Variants in RYR3 observed in about 807,000 individuals in gnomAD.
RYR3 encodes ryanodine receptor 3, also known as brain ryanodine receptor-calcium release channel.
In RYR3, 207 loss-of-function variants were observed where a neutral mutation model predicts 584.3. That is an observed-to-expected ratio of 0.35 (90% confidence interval 0.32 to 0.40). The LOEUF is 0.40. Ranked by LOEUF, RYR3 falls within the 10% of genes least tolerant of loss-of-function variation. The pLI, the probability that RYR3 is intolerant of heterozygous loss-of-function variation, is 1.00. For synonymous variants in RYR3, 2,416 were observed against 2,248.5 expected (o/e 1.07, Z -2.11); for missense variants, 5,616 against 6,089.2 (o/e 0.92, Z 2.59).
intron 77 of RYR3, 160 bp from the exon 78 acceptor site, chr15:33,820,596 T>G: frequency 1.7e-6 from 1 of 589,582 alleles, no homozygotes; most frequent in Non-Finnish European, 3.0e-6. Flanking sequence ...GGAGAAATGT[T>G]GCCCAGCAGT....
chr15:33,564,282 G>T (rs553954816), intron 11 of RYR3, among the ~76,000 whole-genome samples: 2 of 152,276 alleles, frequency 1.3e-5, no homozygotes, highest in South Asian at 2.1e-4. Flanking sequence ...TAAGCTGACC[G>T]TGGATGGGGT....
intron 2 of RYR3, 132 bp downstream of exon 2, chr15:33,473,670 A>C (rs1294577510): frequency 1.1e-6 from 1 of 920,110 alleles, no homozygotes; most frequent in African/African-American, 1.7e-5. Flanking sequence ...AATGGGAAGC[A>C]GATCTGGTTT....
At chr15:33,768,800 G>C in intron 61 of RYR3, 93 bp downstream of exon 61, 1 of 1,217,928 alleles carries the variant, frequency 8.2e-7, no homozygotes, top group Non-Finnish European at 1.2e-6. Context: ...GACAACCCGG[G>C]CCTTGGGACT....
At chr15:33,614,211 C>T (rs893528768) in intron 19 of RYR3, among the ~76,000 whole-genome samples, 2 of 152,094 alleles carry the variant, frequency 1.3e-5, no homozygotes, top group Non-Finnish European at 1.5e-5. Flanking sequence ...ATTTATTCTA[C>T]GGCTTGTGAA....
intron 1 of RYR3, among the ~76,000 whole-genome samples, chr15:33,328,334 C>G (rs1018395313): frequency 6.6e-6 from 1 of 152,158 alleles, no homozygotes; most frequent in Non-Finnish European, 1.5e-5. Flanking sequence ...TCGTCTGTTC[C>G]TTTTCAAGCT....
chr15:33,450,564 A>C (rs2047037899), intron 1 of RYR3, among the ~76,000 whole-genome samples: 1 of 150,552 alleles, frequency 6.6e-6, no homozygotes, highest in South Asian at 2.1e-4. Context: ...GAGCTCCTTG[A>C]GCTCCTTGCA....
intron 57 of RYR3, among the ~76,000 whole-genome samples, chr15:33,752,414 G>A (rs1289188736): frequency 6.6e-6 from 1 of 152,146 alleles, no homozygotes; most frequent in Admixed American, 6.5e-5. Context: ...GTTGAGCATT[G>A]ATTTGTAGTT....
intron 3 of RYR3, among the ~76,000 whole-genome samples, chr15:33,515,767 A>G (rs934973403): frequency 1.3e-5 from 2 of 152,230 alleles, no homozygotes; most frequent in Non-Finnish European, 2.9e-5. Flanking sequence ...GGAATACAAA[A>G]CATTCTTCAG....
At chr15:33,755,661 G>A (rs775160794) in intron 58 of RYR3, among the ~76,000 whole-genome samples, 10 of 152,180 alleles carry the variant, frequency 6.6e-5, no homozygotes, top group African/African-American at 9.7e-5. Context: ...TTTTATAGTG[G>A]ACTTGATTGA....
intron 1 of RYR3, among the ~76,000 whole-genome samples, chr15:33,337,281 C>T (rs935654417): frequency 5.3e-5 from 8 of 151,854 alleles, no homozygotes; most frequent in African/African-American, 1.9e-4. Flanking sequence ...AACTGACTCA[C>T]AAAGAAGAAG....
chr15:33,467,867 A>T (rs1239040526), intron 1 of RYR3, among the ~76,000 whole-genome samples: 1 of 151,906 alleles, frequency 6.6e-6, no homozygotes, highest in Non-Finnish European at 1.5e-5. Flanking sequence ...TTATTTTAGC[A>T]CTCTGGCTGC....
At chr15:33,801,729 T>C (rs1241339112) in intron 68 of RYR3, 140 bp from the exon 69 acceptor site, 2 of 606,510 alleles carry the variant, frequency 3.3e-6, no homozygotes, top group African/African-American at 3.7e-5. Context: ...CATAATGGAA[T>C]GAATTAGTTT....
intron 94 of RYR3, chr15:33,849,238 G>C (rs565412325): frequency 1.3e-5 from 2 of 152,350 alleles, no homozygotes; most frequent in East Asian, 3.9e-4. Context: ...CCGTCTGGTA[G>C]GGATATGAAG....
chr15:33,497,606 G>A (rs528103879), intron 2 of RYR3, among the ~76,000 whole-genome samples: 1 of 152,162 alleles, frequency 6.6e-6, no homozygotes, highest in Admixed American at 6.6e-5. Context: ...CATAAGAATT[G>A]TACATATTTT....
At chr15:33,513,288 A>G (rs2053204296) in intron 3 of RYR3, among the ~76,000 whole-genome samples, 1 of 152,226 alleles carries the variant, frequency 6.6e-6, no homozygotes, top group Non-Finnish European at 1.5e-5. Flanking sequence ...TAATAAGAGC[A>G]CCGATCTGGA....
Position 33,746,164 on chromosome 15 carries a change from A to G in RYR3, c.7989+7A>G. On this transcript the variant is annotated splice_region_variant and intron_variant, in intron 53 of 103. Coordinates refer to ENST00000634891, the MANE Select transcript of RYR3 (RefSeq NM_001036.6). ...CAAGACATTAACGGAGAAGGTAAGA[A>G]GCAGGCCTCTGGTAACACTGTGTGA... 2.5e-6 allele frequency: 4 copies of G among 1,573,862 alleles called. No individual in the cohort carries two copies. The highest frequency in any genetic ancestry group is 3.5e-6 in the Non-Finnish European group (4 of 1,154,442).
intron 38 of RYR3, among the ~76,000 whole-genome samples, chr15:33,678,546 A>G (rs912190030): frequency 2.6e-5 from 4 of 152,220 alleles, no homozygotes; most frequent in African/African-American, 9.6e-5. Context: ...GTAGTTCTTT[A>G]TAGCAGTGTG....
chr15:33,646,342 T>C lies in RYR3; in HGVS notation c.3766-9T>C, dbSNP rs2062101700. Reference sequence around the variant, plus strand: ...GGTATGTCAAGGTAAGGACTCGTCCTGTTTCCAGGTCATGAGGATTGATGG... The same window carrying C: ...GGTATGTCAAGGTAAGGACTCGTCCCGTTTCCAGGTCATGAGGATTGATGG... On this transcript the variant is annotated splice_polypyrimidine_tract_variant and intron_variant, in intron 28 of 103. Coordinates refer to ENST00000634891, the MANE Select transcript of RYR3 (RefSeq NM_001036.6). 6.3e-7 allele frequency: 1 copy of C among 1,591,856 alleles called. No homozygotes were observed. Among genetic ancestry groups the C allele is most frequent in the African/African-American group, 1.3e-5 (1 of 74,740 alleles).
intron 2 of RYR3, among the ~76,000 whole-genome samples, chr15:33,477,605 G>T (rs1217607408): frequency 6.7e-6 from 1 of 149,944 alleles, no homozygotes; most frequent in Non-Finnish European, 1.5e-5. Context: ...GCTGGGCGCG[G>T]TGGCTCACGC....
Sources: gnomAD v4.1 joint callset for allele counts (sites outside exome capture counted in the v4.1 genomes callset) on GRCh38, gnomAD v4.1.1 for gene constraint, MANE v1.5 for transcripts, NCBI Gene and HGNC (gene_info 2026-07-23, HGNC 2026-07-21) for gene names.